FGD4: variants seen among roughly 807,000 people sequenced by gnomAD.
FGD4 encodes the protein FYVE, RhoGEF and PH domain-containing protein 4.
FGD4 carries 42 observed loss-of-function variants against 102.0 expected under a neutral mutation model. The ratio of observed to expected loss-of-function variants is 0.41; its 90% confidence interval spans 0.32 to 0.53. FGD4 has a LOEUF of 0.53. Ranked by LOEUF, FGD4 falls within the 20% of genes least tolerant of loss-of-function variation. The pLI is 0.21. For synonymous variants in FGD4, 380 were observed against 375.7 expected (o/e 1.01, Z -0.13); for missense variants, 902 against 1,078.2 (o/e 0.84, Z 2.29).
chr12:32,462,568 A>AT (rs57441457), intron 1 of FGD4, among the ~76,000 whole-genome samples: 49,818 of 151,534 alleles, frequency 0.33, 9,118 homozygotes, highest in African/African-American at 0.51. Context: ...ATACATTCTG[A>AT]TTTTTTTTTA....
At chr12:32,442,957 A>G (rs1415374305) in intron 1 of FGD4, among the ~76,000 whole-genome samples, 2 of 152,158 alleles carry the variant, frequency 1.3e-5, no homozygotes, top group Admixed American at 1.3e-4. Context: ...CATTTTTCAT[A>G]TATCTGTTGG....
At chr12:32,567,703 T>TTGA (rs1555205540) in intron 2 of FGD4, among the ~76,000 whole-genome samples, 3 of 150,266 alleles carry the variant, frequency 2.0e-5, no homozygotes, top group African/African-American at 7.4e-5. Context: ...TTTTTTTTTT[T>TTGA]GAGAGAGAGG....
In FGD4 at chr12:32,530,826, C is replaced by T. The variant is rs117742428; in HGVS notation, c.167-33311C>T. On this transcript the variant is annotated intron_variant, in intron 1 of 16. Coordinates refer to ENST00000534526, the MANE Select transcript of FGD4 (RefSeq NM_001370298.3). ...AATTTGCCAAGTTTTTTGTAAATCA[C>T]AGAAAATGGATTAGTGATTATCTCT... is the stretch of plus-strand genomic sequence containing the variant. Among the ~76,000 whole-genome samples, 432 of 150,638 alleles carry T rather than the reference C, an allele frequency of 2.9e-3. 11 individuals carry two copies. The South Asian group carries it at 0.048, about 17-fold the overall frequency.
intron 1 of FGD4, among the ~76,000 whole-genome samples, chr12:32,487,207 G>T: frequency 6.6e-6 from 1 of 152,130 alleles, no homozygotes; most frequent in African/African-American, 2.4e-5. Context: ...AGGTGCCTTT[G>T]GTGGGGTGGG....
At chr12:32,414,381 A>G (rs565755540) in intron 1 of FGD4, among the ~76,000 whole-genome samples, 2 of 152,238 alleles carry the variant, frequency 1.3e-5, no homozygotes, top group Non-Finnish European at 2.9e-5. Flanking sequence ...AACGGGTAAT[A>G]ATCACATCGT....
chr12:32,509,934 A>G (rs577810692), intron 1 of FGD4, among the ~76,000 whole-genome samples: 4 of 152,282 alleles, frequency 2.6e-5, no homozygotes, highest in African/African-American at 9.6e-5. Flanking sequence ...AGTGCCCAGT[A>G]GAAACACATA....
chr12:32,579,067 A>G (rs1946383052), intron 3 of FGD4, among the ~76,000 whole-genome samples: 1 of 59,432 alleles, frequency 1.7e-5, no homozygotes, highest in Non-Finnish European at 2.9e-5. Flanking sequence ...TTTTTTTGAG[A>G]CAGAGTTTTG....
intron 1 of FGD4, among the ~76,000 whole-genome samples, chr12:32,430,404 G>C (rs1258344596): frequency 3.3e-5 from 5 of 152,070 alleles, no homozygotes; most frequent in African/African-American, 1.2e-4. Flanking sequence ...GGTAATACTT[G>C]ATTAACTCAA....
rs7312295 is a variant in FGD4, at chr12:32,431,541, G to A, written c.166+31582G>A. On this transcript the variant is annotated intron_variant, in intron 1 of 16. Coordinates refer to ENST00000534526, the MANE Select transcript of FGD4 (RefSeq NM_001370298.3). The stretch of plus-strand genomic sequence containing the variant: ...AGGCTTTGTGTGGACTTTTGGAAAA[G>A]TTTAATAGTTTATGTCTGCATGTTT... Among the ~76,000 whole-genome samples the A allele has an allele frequency of 3.5e-3, 526 of 152,242 alleles. 8 individuals are homozygous for A. The highest frequency in any genetic ancestry group is 0.012 in the African/African-American group (491 of 41,548).
At chr12:32,417,109 T>C (rs1462837436) in intron 1 of FGD4, among the ~76,000 whole-genome samples, 3 of 152,122 alleles carry the variant, frequency 2.0e-5, no homozygotes, top group Non-Finnish European at 4.4e-5. Context: ...TTGGTCAGGC[T>C]GGTCTCAAAC....
intron 1 of FGD4, among the ~76,000 whole-genome samples, chr12:32,561,080 T>G (rs976166735): frequency 1.2e-4 from 14 of 112,002 alleles, no homozygotes; most frequent in South Asian, 3.6e-4. Context: ...GTTTTGTTTT[T>G]TTTTTTTTTT....
chr12:32,598,071 G>A (rs1262425856), intron 4 of FGD4, among the ~76,000 whole-genome samples: 1 of 152,044 alleles, frequency 6.6e-6, no homozygotes, highest in Non-Finnish European at 1.5e-5. Flanking sequence ...TGGAATGACA[G>A]GCATGAGCCA....
At chr12:32,546,391 A>G (rs996917079) in intron 1 of FGD4, among the ~76,000 whole-genome samples, 1 of 152,226 alleles carries the variant, frequency 6.6e-6, no homozygotes, top group African/African-American at 2.4e-5. Context: ...CAAAACACAT[A>G]TTGACCTGAC....
At chr12:32,540,726 C>G (rs1302425485) in intron 1 of FGD4, among the ~76,000 whole-genome samples, 1 of 152,022 alleles carries the variant, frequency 6.6e-6, no homozygotes, top group African/African-American at 2.4e-5. Flanking sequence ...CCACCACCCC[C>G]AGCTAATTTT....
chr12:32,409,003 A>G (rs1941080255), intron 1 of FGD4, among the ~76,000 whole-genome samples: 1 of 152,120 alleles, frequency 6.6e-6, no homozygotes, highest in African/African-American at 2.4e-5. Context: ...GGGCCTGCTT[A>G]ATGAATATAA....
At chr12:32,564,908 C>T (rs1183641120) in intron 2 of FGD4, among the ~76,000 whole-genome samples, 2 of 152,082 alleles carry the variant, frequency 1.3e-5, no homozygotes, top group Non-Finnish European at 2.9e-5. Context: ...CTTTGAGAAG[C>T]ACAGAATTAT....
rs75990702 is a variant in FGD4 at position 32,512,807 on chromosome 12, A to G, written c.167-51330A>G. The stretch of plus-strand genomic sequence containing the variant: ...CCTGTATTCTCAACCATCCAGAGCT[A>G]TTTCTCTTAATTACTCAGAGGCGTA... On this transcript the variant is annotated intron_variant, in intron 1 of 16. Transcript: ENST00000534526. Among the ~76,000 whole-genome samples, 164 of 152,290 alleles carry G rather than the reference A, an allele frequency of 1.1e-3. 4 individuals are homozygous for G. In the East Asian group the frequency reaches 0.021, roughly 20 times the overall value.
intron 1 of FGD4, among the ~76,000 whole-genome samples, chr12:32,404,233 T>C (rs1047196919): frequency 1.3e-5 from 2 of 152,106 alleles, no homozygotes; most frequent in Non-Finnish European, 2.9e-5. Context: ...CATTATTTAC[T>C]TGGTAAACTT....
intron 1 of FGD4, among the ~76,000 whole-genome samples, chr12:32,487,115 A>G (rs1943931338): frequency 6.6e-6 from 1 of 152,198 alleles, no homozygotes; most frequent in East Asian, 1.9e-4. Flanking sequence ...CACATCCACT[A>G]TTATTAGATA....
Sources: gnomAD v4.1 joint callset for allele counts (sites outside exome capture counted in the v4.1 genomes callset) on GRCh38, gnomAD v4.1.1 for gene constraint, MANE v1.5 for transcripts, NCBI Gene and HGNC (gene_info 2026-07-23, HGNC 2026-07-21) for gene names.